Variants in KMT2E observed in about 807,000 individuals in gnomAD.
KMT2E encodes the protein lysine methyltransferase 2E (inactive), also known as histone reader KMT2E.
Under a neutral mutation model 184.6 loss-of-function variants are expected in KMT2E, and 30 were observed. The observed-to-expected ratio is 0.16, with a 90% CI of 0.12 to 0.22. KMT2E has a LOEUF of 0.22. Among genes scored for constraint, KMT2E ranks in the 10% least tolerant of loss-of-function variants. KMT2E has a pLI of 1.00. For synonymous variants in KMT2E, 815 were observed against 776.5 expected (o/e 1.05, Z -0.82); for missense variants, 2,023 against 2,237.4 (o/e 0.90, Z 1.93).
At chr7:105,033,446 T>C (rs1017865322) in intron 1 of KMT2E, among the ~76,000 whole-genome samples, 2 of 152,148 alleles carry the variant, frequency 1.3e-5, no homozygotes, top group African/African-American at 4.8e-5. Flanking sequence ...TGAGACTAGG[T>C]AATTAATAGA....
chr7:105,061,973 TAAAC>T, intron 3 of KMT2E, 187 bp from the exon 4 acceptor site: 1 of 405,762 alleles, frequency 2.5e-6, no homozygotes, highest in Non-Finnish European at 4.4e-6. Context: ...TTATTTTACT[TAAAC>T]AGAAGTTTGC....
At chr7:105,084,847 A>G (rs1363480691) in intron 13 of KMT2E, among the ~76,000 whole-genome samples, 1 of 152,168 alleles carries the variant, frequency 6.6e-6, no homozygotes, top group Non-Finnish European at 1.5e-5. Flanking sequence ...AATGTACTAC[A>G]GTTAGTTTTA....
rs548970944 is a variant in KMT2E, at chr7:105,018,687, T to C, written c.-189+4152T>C. ...AGTGGAATACTATTTGAAATATTACTCTGTGAATGTTACTGGCTTTTAGGC... is the reference window on the plus strand; with the variant it reads ...AGTGGAATACTATTTGAAATATTACCCTGTGAATGTTACTGGCTTTTAGGC... On this transcript the variant is annotated intron_variant, in intron 1 of 26. Transcript: ENST00000311117. Among the ~76,000 whole-genome samples, 9 of 152,302 alleles carry C rather than the reference T, an allele frequency of 5.9e-5. No individual in the cohort carries two copies. The South Asian group carries it at 1.4e-3, about 25-fold the overall frequency.
chr7:105,087,397 A>G (rs1420307769), intron 13 of KMT2E, among the ~76,000 whole-genome samples: 1 of 148,962 alleles, frequency 6.7e-6, no homozygotes, highest in Admixed American at 6.7e-5. Context: ...TTCCTTGATT[A>G]TTCATGAATG....
At chr7:105,088,147 T>C (rs1798060537) in intron 13 of KMT2E, among the ~76,000 whole-genome samples, 1 of 152,218 alleles carries the variant, frequency 6.6e-6, no homozygotes, top group Admixed American at 6.5e-5. Flanking sequence ...GTAATCTGTC[T>C]GGTTTCAAAT....
intron 14 of KMT2E, 63 bp downstream of exon 14, chr7:105,090,336 C>G: frequency 6.6e-7 from 1 of 1,516,976 alleles, no homozygotes; most frequent in East Asian, 2.3e-5. Flanking sequence ...CATATTTTAT[C>G]CTCTTCTTTG....
Position 105,087,486 on chromosome 7 carries a change from C to T in KMT2E, c.1359-2523C>T, listed in dbSNP as rs554112325. On this transcript the variant is annotated intron_variant, in intron 13 of 26. Transcript: ENST00000311117. ...TCACCCAGGCTGGAGTGCAGTGGCG[C>T]GATCTCGGCTCACTGCAACCTCCGC... 1.4e-4 allele frequency among the ~76,000 whole-genome samples: 21 copies of T among 149,762 alleles called. 1 individual carries two copies. In the South Asian group the frequency reaches 3.6e-3, roughly 26 times the overall value.
chr7:105,051,168 C>T (rs1161582603), intron 3 of KMT2E, among the ~76,000 whole-genome samples: 1 of 148,998 alleles, frequency 6.7e-6, no homozygotes, highest in Non-Finnish European at 1.5e-5. Flanking sequence ...TTTCTTCCTT[C>T]CTTCCTTCCT....
At chr7:105,108,002 GATGT>G (rs1798989892) in intron 22 of KMT2E, 77 bp downstream of exon 22, 2 of 990,850 alleles carry the variant, frequency 2.0e-6, no homozygotes, top group East Asian at 2.8e-5. Context: ...GGAATTGTTA[GATGT>G]ATTATGTAAG....
intron 6 of KMT2E, among the ~76,000 whole-genome samples, chr7:105,070,267 A>G (rs972729954): frequency 1.3e-5 from 2 of 151,996 alleles, no homozygotes; most frequent in Non-Finnish European, 2.9e-5. Flanking sequence ...TTGTCAGACT[A>G]TTTTCCGGAA....
chr7:105,102,292 T>G lies in KMT2E; in HGVS notation c.2196+98T>G, dbSNP rs905239066. Reference sequence around the variant, plus strand: ...TTGGATTTTTAAGACCTCATAATAATAAGAGGCAGTTTTTATACTTGCAGA... The same window carrying G: ...TTGGATTTTTAAGACCTCATAATAAGAAGAGGCAGTTTTTATACTTGCAGA... On this transcript the variant is annotated intron_variant, in intron 17 of 26. Coordinates refer to ENST00000311117, the MANE Select transcript of KMT2E (RefSeq NM_182931.3). 7.3e-6 allele frequency: 7 copies of G among 959,646 alleles called. No homozygotes were observed. The Admixed American group carries it at 1.0e-4, about 14-fold the overall frequency. The allele number at this position is 959,646 out of a possible 1,614,324, so 59.4% of individuals were successfully genotyped here.
At chr7:105,015,689 ATGT>A (rs1281673930) in intron 1 of KMT2E, among the ~76,000 whole-genome samples, 6 of 152,048 alleles carry the variant, frequency 3.9e-5, no homozygotes, top group South Asian at 2.1e-4. Context: ...CCCCAGGCTG[ATGT>A]TGTGGTAATC....
chr7:105,098,679 G>A (rs990159454), intron 15 of KMT2E, among the ~76,000 whole-genome samples: 24 of 152,226 alleles, frequency 1.6e-4, no homozygotes, highest in African/African-American at 5.5e-4. Flanking sequence ...GGGATTACAG[G>A]CATAATAAAC....
chr7:105,072,145 C>G (rs773997106), intron 6 of KMT2E, among the ~76,000 whole-genome samples: 2 of 152,094 alleles, frequency 1.3e-5, no homozygotes, highest in South Asian at 2.1e-4. Context: ...AACCCTGTCT[C>G]TACTAAAAAT....
chr7:105,059,758 G>A (rs974752280), intron 3 of KMT2E, among the ~76,000 whole-genome samples: 27 of 151,690 alleles, frequency 1.8e-4, no homozygotes, highest in African/African-American at 6.3e-4. Context: ...ATATAATGAT[G>A]CATAGAAAAG....
At chr7:105,075,954 G>A in intron 8 of KMT2E, 89 bp from the exon 9 acceptor site, 1 of 1,049,996 alleles carries the variant, frequency 9.5e-7, no homozygotes, top group Non-Finnish European at 1.4e-6. Flanking sequence ...TGACACTTCA[G>A]TTAAAAGTTT....
chr7:105,106,189 T>C (rs1424472989), intron 19 of KMT2E, among the ~76,000 whole-genome samples, 186 bp downstream of exon 19: 1 of 152,206 alleles, frequency 6.6e-6, no homozygotes, highest in Admixed American at 6.5e-5. Context: ...CCACGTATGC[T>C]GGGGTTTATG....
Position 105,084,001 on chromosome 7 carries a change from CT to C in KMT2E, c.1358+2207del, listed in dbSNP as rs147434591. ...AACATATTAGGATCTATAGCTATGT[CT>C]TTCTTATATAGCACGCATGCACCCA... On this transcript the variant is annotated intron_variant, in intron 13 of 26. Coordinates refer to ENST00000311117, the MANE Select transcript of KMT2E (RefSeq NM_182931.3). Among the ~76,000 whole-genome samples, 556 of 152,162 alleles carry C rather than the reference CT, an allele frequency of 3.7e-3. 15 individuals carry two copies. The East Asian group carries it at 0.062, about 17-fold the overall frequency.
chr7:105,102,054 G>A lies in KMT2E; in HGVS notation c.2056G>A (p.Val686Ile), dbSNP rs772164545. ...CCAGCCATCTTCTCCTGATATAGAA[G>A]TTACTTCACAACAAAATGATATTGA... ...DIQPSSPDIE[V>I]TSQQNDIENT... is the part of the protein sequence containing the mutation. Residue 686 changes from valine (V) to isoleucine (I), a missense_variant, in exon 17 of 27, where the codon GTT becomes ATT. Physicochemically the swap from Val to Ile is conservative, Grantham distance 29. This residue lies in a region of KMT2E where 514 missense variants were observed against 621.8 expected (regional missense o/e 0.83). Transcript: ENST00000311117. The A allele has an allele frequency of 4.3e-6, 7 of 1,613,760 alleles. No homozygotes were observed. Among genetic ancestry groups the A allele is most frequent in the South Asian group, 1.1e-5 (1 of 91,078 alleles).
Sources: gnomAD v4.1 joint callset for allele counts (sites outside exome capture counted in the v4.1 genomes callset) on GRCh38, gnomAD v4.1.1 for gene constraint, gnomAD v4.1.1 regional missense constraint, MANE v1.5 for transcripts, NCBI Gene and HGNC (gene_info 2026-07-23, HGNC 2026-07-21) for gene names.